CTNNA3: variants seen among roughly 807,000 people sequenced by gnomAD.
The protein encoded by CTNNA3 is catenin alpha-3.
A neutral mutation model predicts 95.7 loss-of-function variants in CTNNA3; 76 were observed. That is an observed-to-expected ratio of 0.79 (90% CI 0.66 to 0.96). The LOEUF is 0.96. Among genes scored for constraint, CTNNA3 ranks in the 40% least tolerant of loss-of-function variants. The pLI is 0.00. For synonymous variants in CTNNA3, 431 were observed against 374.4 expected, an observed-to-expected ratio of 1.15 and a Z score of -1.74; for missense variants, 1,191 against 1,089.8, an observed-to-expected ratio of 1.09 and a Z score of -1.31.
intron 5 of CTNNA3, among the ~76,000 whole-genome samples, chr10:67,439,553 G>A (rs1252473571): frequency 6.6e-6 from 1 of 152,140 alleles, no homozygotes; most frequent in Non-Finnish European, 1.5e-5. Context: ...GGGGGATGGT[G>A]TTAAACCATA....
At chr10:67,149,713 G>C (rs1861009443) in intron 7 of CTNNA3, among the ~76,000 whole-genome samples, 1 of 152,154 alleles carries the variant, frequency 6.6e-6, no homozygotes, top group South Asian at 2.1e-4. Flanking sequence ...CTAGAGTCTA[G>C]AAGTTCTCTG....
intron 2 of CTNNA3, among the ~76,000 whole-genome samples, chr10:67,626,236 C>A (rs1838951352): frequency 6.6e-6 from 1 of 151,526 alleles, no homozygotes; most frequent in South Asian, 2.1e-4. Context: ...ATTTGTGTGA[C>A]CCTTGACTTT....
intron 7 of CTNNA3, among the ~76,000 whole-genome samples, chr10:66,795,828 C>T (rs1589263094): frequency 1.3e-5 from 2 of 152,182 alleles, no homozygotes; most frequent in South Asian, 4.1e-4. Context: ...GCTGCTTCAC[C>T]TGGCATTTTC....
intron 1 of CTNNA3, among the ~76,000 whole-genome samples, chr10:67,691,610 G>A (rs1400389746): frequency 1.3e-5 from 2 of 151,216 alleles, no homozygotes; most frequent in Non-Finnish European, 2.9e-5. Context: ...GAGACCCTCT[G>A]CCTGGCAACC....
At chr10:67,736,207 G>A (rs754719466) in intron 1 of CTNNA3, among the ~76,000 whole-genome samples, 2 of 151,958 alleles carry the variant, frequency 1.3e-5, no homozygotes, top group African/African-American at 2.4e-5. Flanking sequence ...GATAAGTATT[G>A]TATAATTCCA....
At chr10:66,882,253 C>A (rs1192746107) in intron 7 of CTNNA3, among the ~76,000 whole-genome samples, 1 of 152,046 alleles carries the variant, frequency 6.6e-6, no homozygotes, top group African/African-American at 2.4e-5. Flanking sequence ...AAATGTACCT[C>A]ATGTGGTCAT....
chr10:66,209,537 G>T (rs1337645978), intron 13 of CTNNA3, among the ~76,000 whole-genome samples: 1 of 152,088 alleles, frequency 6.6e-6, no homozygotes, highest in East Asian at 1.9e-4. Context: ...CCCCGAGGCA[G>T]GATCATAGCC....
intron 5 of CTNNA3, among the ~76,000 whole-genome samples, chr10:67,498,321 G>C (rs10047301): frequency 0.069 from 10,428 of 152,228 alleles, 436 homozygotes; most frequent in South Asian, 0.14. Flanking sequence ...GTACCATGCT[G>C]TTTTGGTTAC....
chr10:66,716,191 C>A (rs1025280117), intron 9 of CTNNA3, among the ~76,000 whole-genome samples: 3 of 151,974 alleles, frequency 2.0e-5, no homozygotes, highest in African/African-American at 7.3e-5. Flanking sequence ...ATATACTTAT[C>A]GTGTACAAAT....
chr10:66,888,819 G>A lies in CTNNA3; in HGVS notation c.1048-113295C>T, dbSNP rs564358630. ...TTGGAGAACAGTTTGACACTTTAAC[G>A]AAATTATACATACTCTCACCATACA... On this transcript the variant is annotated intron_variant, in intron 7 of 17. Transcript: ENST00000433211. Among the ~76,000 whole-genome samples, 34 of 152,244 alleles carry A rather than the reference G, an allele frequency of 2.2e-4. No individual in the cohort carries two copies. In the South Asian group the frequency reaches 6.6e-3, roughly 30 times the overall value.
intron 7 of CTNNA3, among the ~76,000 whole-genome samples, chr10:67,150,052 A>C (rs985543122): frequency 2.6e-5 from 4 of 152,232 alleles, no homozygotes; most frequent in Non-Finnish European, 5.9e-5. Context: ...AAAACCACTG[A>C]GTATAGAAAG....
intron 16 of CTNNA3, among the ~76,000 whole-genome samples, chr10:65,987,149 C>G (rs969581533): frequency 2.6e-5 from 4 of 151,856 alleles, no homozygotes; most frequent in African/African-American, 9.7e-5. Context: ...GATTTGATGG[C>G]TAACACCTCA....
chr10:67,152,191 C>T (rs1248861528), intron 7 of CTNNA3, among the ~76,000 whole-genome samples: 3 of 152,166 alleles, frequency 2.0e-5, no homozygotes, highest in African/African-American at 7.2e-5. Flanking sequence ...GGAGACTTCC[C>T]TTCAGCCTCA....
At chr10:66,346,226 TATATATATATATATATATATAGAG>T (rs1353590423) in intron 12 of CTNNA3, among the ~76,000 whole-genome samples, 33 of 73,238 alleles carry the variant, frequency 4.5e-4, no homozygotes, top group South Asian at 2.1e-3. Flanking sequence ...TATATATATA[TATATATATATATATATATATAGAG>T]AGAGAGAGAG....
In CTNNA3 at chr10:67,043,634, T is replaced by A. The variant is rs547158879; in HGVS notation, c.1047+136683A>T. On this transcript the variant is annotated intron_variant, in intron 7 of 17. Coordinates refer to ENST00000433211, the MANE Select transcript of CTNNA3 (RefSeq NM_013266.4). Reference sequence around the variant, plus strand: ...CAGATCATTAACAATGATTTTTTTTTAAAGAACAGTTAACACCAATTCTTG... The same window carrying A: ...CAGATCATTAACAATGATTTTTTTTAAAAGAACAGTTAACACCAATTCTTG... 1.8e-3 allele frequency among the ~76,000 whole-genome samples: 268 copies of A among 152,256 alleles called. 1 individual carries two copies. Among genetic ancestry groups the A allele is most frequent in the Non-Finnish European group, 3.4e-3 (228 of 68,016 alleles).
At chr10:66,488,889 T>C (rs1839826671) in intron 11 of CTNNA3, among the ~76,000 whole-genome samples, 1 of 151,322 alleles carries the variant, frequency 6.6e-6, no homozygotes, top group African/African-American at 2.4e-5. Context: ...TGCAAGGACA[T>C]ATGATCTATA....
chr10:66,776,155 G>T (rs531399660), intron 7 of CTNNA3, among the ~76,000 whole-genome samples: 1 of 152,160 alleles, frequency 6.6e-6, no homozygotes, highest in South Asian at 2.1e-4. Context: ...TAAATCTTTA[G>T]GCTATTAAGC....
chr10:66,147,454 C>A (rs2083946257), intron 13 of CTNNA3, among the ~76,000 whole-genome samples: 2 of 151,944 alleles, frequency 1.3e-5, no homozygotes, highest in African/African-American at 4.8e-5. Flanking sequence ...CTCATTTTAT[C>A]CAGGTGTTTT....
intron 5 of CTNNA3, among the ~76,000 whole-genome samples, chr10:67,437,797 G>C (rs946982593): frequency 1.3e-5 from 2 of 151,572 alleles, no homozygotes; most frequent in African/African-American, 2.4e-5. Context: ...TTTCTGACTG[G>C]GTATAAAAAT....
Sources: gnomAD v4.1 joint callset for allele counts (sites outside exome capture counted in the v4.1 genomes callset) on GRCh38, gnomAD v4.1.1 for gene constraint, MANE v1.5 for transcripts, NCBI Gene and HGNC (gene_info 2026-07-23, HGNC 2026-07-21) for gene names.